The following HSPA12A variants were observed in gnomAD, a reference collection of about 807,000 sequenced individuals.
HSPA12A encodes the protein heat shock protein family A (Hsp70) member 12A.
HSPA12A carries 28 observed loss-of-function variants against 69.2 expected under a neutral mutation model. The observed-to-expected ratio is 0.40, with a 90% confidence interval of 0.30 to 0.55. HSPA12A has a LOEUF of 0.55. Ranked by LOEUF, HSPA12A falls within the 20% of genes least tolerant of loss-of-function variation. HSPA12A has a pLI of 0.38. For missense variants in HSPA12A, 686 were observed against 900.7 expected, an observed-to-expected ratio of 0.76 and a Z score of 3.05; for synonymous variants, 345 against 370.5, an observed-to-expected ratio of 0.93 and a Z score of 0.79.
chr10:116,836,612 G>A (rs1229763356), intron 1 of HSPA12A, among the ~76,000 whole-genome samples: 1 of 152,222 alleles, frequency 6.6e-6, no homozygotes, highest in African/African-American at 2.4e-5. Context: ...GTTCAAGAAT[G>A]AGGTTGCAGA....
chr10:116,725,357 C>T (rs1449680771), intron 1 of HSPA12A, among the ~76,000 whole-genome samples: 1 of 152,196 alleles, frequency 6.6e-6, no homozygotes, highest in Non-Finnish European at 1.5e-5. Flanking sequence ...ATGGACCCAG[C>T]TCCACCTCTG....
At chr10:116,743,752 TGGAGACCA>T (rs1554887577), upstream of HSPA12A, among the ~76,000 whole-genome samples, 4 of 152,182 alleles carry the variant, frequency 2.6e-5, no homozygotes, top group African/African-American at 9.7e-5. Flanking sequence ...TGCGAGAGCC[TGGAGACCA>T]GAAGGTGATG....
chr10:116,733,820 A>ACTCAGTC (rs1851232556), intron 1 of HSPA12A, among the ~76,000 whole-genome samples: 1 of 152,054 alleles, frequency 6.6e-6, no homozygotes. Context: ...ATATAAATAC[A>ACTCAGTC]CTCAGTCCTC....
intron 2 of HSPA12A, among the ~76,000 whole-genome samples, chr10:116,763,949 G>A (rs1011336007): frequency 6.6e-6 from 1 of 152,134 alleles, no homozygotes; most frequent in East Asian, 1.9e-4. Context: ...GCGTTATTGG[G>A]GGGGCGGTCG....
At chr10:116,711,003 G>C (rs1384293530) in intron 1 of HSPA12A, among the ~76,000 whole-genome samples, 6 of 124,302 alleles carry the variant, frequency 4.8e-5, no homozygotes, top group Non-Finnish European at 1.1e-4. Context: ...GTAGGTAAAT[G>C]ATCAGAAATA....
intron 1 of HSPA12A, 134 bp downstream of exon 1, chr10:116,742,296 C>G: frequency 1.0e-6 from 1 of 1,003,384 alleles, no homozygotes; most frequent in Non-Finnish European, 1.3e-6. Flanking sequence ...CGGCCCCGCC[C>G]GCCAGAACTG....
Position 116,672,794 on chromosome 10 carries a change from C to T in HSPA12A, c.*1987G>A, listed in dbSNP as rs1245842357. The T allele has an allele frequency of 6.6e-6, 1 of 152,500 alleles. No homozygotes were observed. Among genetic ancestry groups the T allele is most frequent in the East Asian group, 1.9e-4 (1 of 5,188 alleles). 9.4% of individuals were successfully genotyped at this position (152,500 alleles called of 1,614,324 possible). A position where few individuals can be genotyped will look rare whatever the true frequency, so the allele number is the denominator to read the frequency against. The stretch of plus-strand genomic sequence containing the variant: ...GGCTGGCAACAAAGAAAGACCCATA[C>T]CATTTAGCGTTTGAAGCAGGGCAGG... On this transcript the variant is annotated 3_prime_UTR_variant, in exon 12 of 12. Transcript: ENST00000369209.
Position 116,681,228 on chromosome 10 carries a change from G to A in HSPA12A, c.951C>T (p.Gly317=), listed in dbSNP as rs782552506. The change falls in exon 9 of 12, where the codon GGC becomes GGT. Residue 317 remains glycine (G), a synonymous_variant. Coordinates refer to ENST00000369209, the MANE Select transcript of HSPA12A (RefSeq NM_025015.3). ...EGDKYVVVDS[G]GGTVDLTVHQ... The stretch of plus-strand genomic sequence containing the variant: ...GGACTGTCAGGTCTACGGTGCCACC[G>A]CCACTGTCCACAACCACATACTTAT... The A allele has an allele frequency of 3.2e-5, 52 of 1,613,956 alleles. 2 individuals are homozygous for A. Among genetic ancestry groups the A allele is most frequent in the East Asian group, 2.5e-4 (11 of 44,874 alleles).
intron 1 of HSPA12A, among the ~76,000 whole-genome samples, chr10:116,731,443 A>C (rs1410601332): frequency 6.6e-6 from 1 of 152,194 alleles, no homozygotes; most frequent in Non-Finnish European, 1.5e-5. Flanking sequence ...CGGTCCCTTC[A>C]AATGGGGCCA....
At chr10:116,734,650 C>CTTTTTTTTTTTTTTTTTTTT (rs10631951) in intron 1 of HSPA12A, among the ~76,000 whole-genome samples, 1 of 133,828 alleles carries the variant, frequency 7.5e-6, no homozygotes, top group Non-Finnish European at 1.6e-5. Flanking sequence ...AGATTTTCAG[C>CTTTTTTTTTTTTTTTTTTTT]TTTTTTTTTT....
intron 4 of HSPA12A, among the ~76,000 whole-genome samples, chr10:116,700,450 C>A (rs2240709): frequency 0.52 from 79,226 of 151,828 alleles, 20,979 homozygotes; most frequent in Middle Eastern, 0.66. Context: ...ATGTCCTGAG[C>A]TCCCCCTCCC....
At chr10:116,826,091 C>T (rs189928004) in intron 2 of HSPA12A, among the ~76,000 whole-genome samples, 2 of 152,210 alleles carry the variant, frequency 1.3e-5, no homozygotes, top group Admixed American at 1.3e-4. Context: ...GTCTGGACCG[C>T]ACATGCCCCA....
chr10:116,674,156 G>C lies in HSPA12A; in HGVS notation c.*625C>G, dbSNP rs1424853786. 1 of 153,196 alleles carries C rather than the reference G, an allele frequency of 6.5e-6. No homozygotes were observed. The highest frequency in any genetic ancestry group is 1.5e-5 in the Non-Finnish European group (1 of 68,802). The allele number at this position is 153,196 out of a possible 1,614,324, so 9.5% of individuals were successfully genotyped here. ...GCCCTAGTGGATTACCCAAGGCTAC[G>C]GTTATTCTTCCCTGAACCTCCTTGC... On this transcript the variant is annotated 3_prime_UTR_variant, in exon 12 of 12. Coordinates refer to ENST00000369209, the MANE Select transcript of HSPA12A (RefSeq NM_025015.3).
At position 116,723,882 on chromosome 10, in the gene HSPA12A, T is replaced by G. The variant is rs1302839701; in HGVS notation, c.41-16597A>C. The stretch of plus-strand genomic sequence containing the variant: ...TCTACCATCTTGCCCGATGCCCACC[T>G]GAGGGCCCCTGACCATACCCCAGTA... On this transcript the variant is annotated intron_variant, in intron 1 of 11. Transcript: ENST00000369209. This position sits in a 1 kb window ranked among gnomAD's most constrained non-coding sequence, Gnocchi z 4.1. Among the ~76,000 whole-genome samples, 4 of 152,190 alleles carry G rather than the reference T, an allele frequency of 2.6e-5. No individual in the cohort carries two copies. Among genetic ancestry groups the G allele is most frequent in the Non-Finnish European group, 5.9e-5 (4 of 68,036 alleles).
At chr10:116,811,455 C>A (rs142533154) in intron 2 of HSPA12A, among the ~76,000 whole-genome samples, 1 of 152,242 alleles carries the variant, frequency 6.6e-6, no homozygotes, top group Non-Finnish European at 1.5e-5. Flanking sequence ...CCTCTTAGAT[C>A]TTCCAGGACC....
chr10:116,718,035 G>A (rs1250700584), intron 1 of HSPA12A, among the ~76,000 whole-genome samples: 2 of 152,118 alleles, frequency 1.3e-5, no homozygotes, highest in Non-Finnish European at 2.9e-5. Flanking sequence ...TATTCTACAG[G>A]GAAGCTCAGT....
At chr10:116,725,666 G>A (rs1311036514) in intron 1 of HSPA12A, among the ~76,000 whole-genome samples, 1 of 152,146 alleles carries the variant, frequency 6.6e-6, no homozygotes, top group African/African-American at 2.4e-5. Context: ...GTGGCAGAAG[G>A]GGCGCTATCT....
chr10:116,703,567 TA>T (rs1450165299), intron 3 of HSPA12A, among the ~76,000 whole-genome samples: 24 of 151,244 alleles, frequency 1.6e-4, no homozygotes, highest in Admixed American at 1.4e-3. Context: ...ACAACAAAAC[TA>T]AAAAATATTA....
At chr10:116,809,971 G>T (rs1350708277) in intron 2 of HSPA12A, among the ~76,000 whole-genome samples, 1 of 152,172 alleles carries the variant, frequency 6.6e-6, no homozygotes, top group Non-Finnish European at 1.5e-5. Flanking sequence ...GAAGACACGG[G>T]TTGGTTTATG....
Sources: gnomAD v4.1 joint callset for allele counts (sites outside exome capture counted in the v4.1 genomes callset) on GRCh38, gnomAD v4.1.1 for gene constraint, Gnocchi (gnomAD v3.1) non-coding constraint, MANE v1.5 for transcripts, NCBI Gene and HGNC (gene_info 2026-07-23, HGNC 2026-07-21) for gene names.